The following RNF141 variants were observed in gnomAD, a reference collection of about 807,000 sequenced individuals.
RNF141 encodes the protein ring finger protein 141, also known as C3HC4-like zinc finger protein.
In RNF141, 18 loss-of-function variants were observed where a neutral mutation model predicts 27.4. That is an observed-to-expected ratio of 0.66 (90% CI 0.45 to 0.97). RNF141 has a LOEUF of 0.97. Among genes scored for constraint, RNF141 ranks in the 50% least tolerant of loss-of-function variants. The pLI is 0.00. For synonymous variants in RNF141, 97 were observed against 96.6 expected (o/e 1.00, Z -0.02); for missense variants, 230 against 279.4 (o/e 0.82, Z 1.26).
At chr11:10,517,010 C>T (rs762759302) in intron 5 of RNF141, 1 of 151,694 alleles carries the variant, frequency 6.6e-6, no homozygotes, top group African/African-American at 2.4e-5. Flanking sequence ...ACCAGACATA[C>T]AAAAAAGCAG....
intron 3 of RNF141, among the ~76,000 whole-genome samples, chr11:10,529,522 A>G (rs1202604949): frequency 6.6e-6 from 1 of 152,238 alleles, no homozygotes; most frequent in Non-Finnish European, 1.5e-5. Flanking sequence ...AAAGAAGGTC[A>G]TTGTGACTAA....
chr11:10,538,152 A>C (rs182563305), intron 1 of RNF141, among the ~76,000 whole-genome samples: 2 of 152,328 alleles, frequency 1.3e-5, no homozygotes, highest in Admixed American at 1.3e-4. Flanking sequence ...ACTTTGAGTA[A>C]AGTTTATAAT....
chr11:10,518,045 G>A (rs986971541), intron 5 of RNF141, among the ~76,000 whole-genome samples: 1 of 152,132 alleles, frequency 6.6e-6, no homozygotes, highest in Non-Finnish European at 1.5e-5. Flanking sequence ...AATAAGTGGA[G>A]AAATATACAG....
intron 4 of RNF141, among the ~76,000 whole-genome samples, chr11:10,523,603 A>AT (rs2133968830): frequency 6.6e-6 from 1 of 152,366 alleles, no homozygotes; most frequent in African/African-American, 2.4e-5. Context: ...GAACTAGTGT[A>AT]TAAGGGTATT....
At position 10,541,133 on chromosome 11, in the gene RNF141, G is replaced by A. The variant is rs117022703; in HGVS notation, c.-59C>T. The A allele has an allele frequency of 0.021, 3,188 of 152,516 alleles. 49 individuals are homozygous for A. Among genetic ancestry groups the A allele is most frequent in the Non-Finnish European group, 0.031 (2,123 of 68,220 alleles). The allele number at this position is 152,516 out of a possible 1,614,324, so 9.4% of individuals were successfully genotyped here. On this transcript the variant is annotated 5_prime_UTR_variant, in exon 1 of 6. Coordinates refer to ENST00000265981, the MANE Select transcript of RNF141 (RefSeq NM_016422.4). ...GCCGCGGAGCTCACCCCAGGTTCAAGGCATCGCGCACCCTGCGGCAGCGGC... is the reference window on the plus strand; with the variant it reads ...GCCGCGGAGCTCACCCCAGGTTCAAAGCATCGCGCACCCTGCGGCAGCGGC...
intron 1 of RNF141, among the ~76,000 whole-genome samples, chr11:10,538,828 A>G (rs1210497542): frequency 6.6e-6 from 1 of 152,194 alleles, no homozygotes; most frequent in Non-Finnish European, 1.5e-5. Flanking sequence ...GCTTATGTAA[A>G]CTGGGAAACA....
At chr11:10,525,078 T>C in intron 4 of RNF141, 114 bp downstream of exon 4, 3 of 630,768 alleles carry the variant, frequency 4.8e-6, no homozygotes, top group Non-Finnish European at 6.8e-6. Context: ...CAATACCAAC[T>C]GAGAAAAAAA....
At chr11:10,518,214 A>G (rs1849857913) in intron 5 of RNF141, 1 of 152,182 alleles carries the variant, frequency 6.6e-6, no homozygotes, top group Non-Finnish European at 1.5e-5. Context: ...ACACACACAT[A>G]CCATATGATC....
In RNF141 at chr11:10,515,027, C is replaced by T. The variant is rs1459724232; in HGVS notation, c.582G>A (p.Gln194=). ...CCCAAGATTCATTTGCTCCAGTCAT[C>T]TGTAGGCGACAAATAGGGCAATTCC... The part of the protein sequence containing the change: ...RHRNCPICRL[Q]MTGANESWVV... The change falls in exon 6 of 6, where the codon CAG becomes CAA. Residue 194 remains glutamine (Q), a synonymous_variant. Coordinates refer to ENST00000265981, the MANE Select transcript of RNF141 (RefSeq NM_016422.4). 15 of 1,613,850 alleles carry T rather than the reference C, an allele frequency of 9.3e-6. No individual in the cohort carries two copies. Among genetic ancestry groups the T allele is most frequent in the Non-Finnish European group, 1.3e-5 (15 of 1,179,946 alleles).
Position 10,530,712 on chromosome 11 carries a change from G to A in RNF141, c.183C>T (p.Leu61=). ...AATCAGACCCAGGTTGTACCTCAAAGAGAAGATGTTTTTCCTGGCCAGAAG... is the reference window on the plus strand; with the variant it reads ...AATCAGACCCAGGTTGTACCTCAAAAAGAAGATGTTTTTCCTGGCCAGAAG... ...KVASGQEKHL[L]FEVQPGSDSS... The change falls in exon 3 of 6, where the codon CTC becomes CTT. Residue 61 remains leucine, a synonymous_variant. Transcript: ENST00000265981. 1 of 1,609,822 alleles carries A rather than the reference G, an allele frequency of 6.2e-7. No individual in the cohort carries two copies. Among genetic ancestry groups the A allele is most frequent in the Non-Finnish European group, 8.5e-7 (1 of 1,177,556 alleles).
intron 3 of RNF141, 37 bp from the exon 4 acceptor site, chr11:10,525,410 C>T (rs754000040): frequency 1.3e-6 from 2 of 1,500,792 alleles, no homozygotes; most frequent in Admixed American, 2.1e-5. Context: ...AAAAGTTGAT[C>T]ATTTCTCTGA....
intron 3 of RNF141, among the ~76,000 whole-genome samples, chr11:10,527,414 G>T (rs1364684519): frequency 6.7e-6 from 1 of 149,826 alleles, no homozygotes; most frequent in Admixed American, 6.6e-5. Flanking sequence ...TAGATGTCTA[G>T]GGGGAAGATC....
At chr11:10,516,652 A>G (rs1440128666) in intron 5 of RNF141, 1 of 152,266 alleles carries the variant, frequency 6.6e-6, no homozygotes, top group East Asian at 1.9e-4. Context: ...AGGCTGAACA[A>G]TCAATCAAAG....
At position 10,530,695 on chromosome 11, in the gene RNF141, C is replaced by T; in HGVS notation, c.200G>A (p.Gly67Glu). 1 of 1,611,248 alleles carries T rather than the reference C, an allele frequency of 6.2e-7. No individual in the cohort carries two copies. The highest frequency in any genetic ancestry group is 1.3e-5 in the African/African-American group (1 of 74,936). ...TTTCCAAAAAGCAGAGGAATCAGAC[C>T]CAGGTTGTACCTCAAAGAGAAGATG... Reference protein sequence around the residue: ...EKHLLFEVQPGSDSSAFWKVV... With the variant: ...EKHLLFEVQPESDSSAFWKVV... Residue 67 changes from glycine to glutamate, a missense_variant, in exon 3 of 6, where the codon GGG becomes GAG. By Grantham distance (98) the Gly-to-Glu change is moderately conservative. Transcript: ENST00000265981.
chr11:10,533,712 G>A (rs1850009270), intron 2 of RNF141, among the ~76,000 whole-genome samples: 1 of 152,004 alleles, frequency 6.6e-6, no homozygotes, highest in Admixed American at 6.5e-5. Context: ...TCAAACAAGA[G>A]TCTATTGGTA....
chr11:10,536,723 C>A (rs1305562895), intron 1 of RNF141, among the ~76,000 whole-genome samples: 1 of 152,096 alleles, frequency 6.6e-6, no homozygotes, highest in African/African-American at 2.4e-5. Flanking sequence ...CTCGGCCTCC[C>A]AGGCCGAGGA....
intron 3 of RNF141, 96 bp downstream of exon 3, chr11:10,530,547 A>T: frequency 1.7e-6 from 1 of 572,986 alleles, no homozygotes; most frequent in Non-Finnish European, 3.0e-6. Flanking sequence ...CCGAGTTATT[A>T]AAATGTATAT....
intron 3 of RNF141, among the ~76,000 whole-genome samples, chr11:10,528,887 C>T (rs1564867983): frequency 6.6e-6 from 1 of 152,098 alleles, no homozygotes; most frequent in East Asian, 1.9e-4. Flanking sequence ...AGCTAAGAAC[C>T]TAAACAACTT....
At chr11:10,529,798 T>A (rs1849970083) in intron 3 of RNF141, among the ~76,000 whole-genome samples, 1 of 152,210 alleles carries the variant, frequency 6.6e-6, no homozygotes, top group African/African-American at 2.4e-5. Context: ...ATATTCCTAA[T>A]GCCTCTCACA....
Sources: gnomAD v4.1 joint callset for allele counts (sites outside exome capture counted in the v4.1 genomes callset) on GRCh38, gnomAD v4.1.1 for gene constraint, MANE v1.5 for transcripts, NCBI Gene and HGNC (gene_info 2026-07-23, HGNC 2026-07-21) for gene names.